The following CCDC97 variants were observed in gnomAD, a reference collection of about 807,000 sequenced individuals.
CCDC97 encodes the protein coiled-coil domain-containing protein 97.
A neutral mutation model predicts 33.9 loss-of-function variants in CCDC97; 27 were observed. The ratio of observed to expected loss-of-function variants is 0.80; its 90% confidence interval spans 0.59 to 1.10. The LOEUF (loss-of-function observed/expected upper bound fraction) is 1.10, where lower values mean the gene tolerates loss of function less well. CCDC97 is among the 50% of genes least tolerant of loss of function. The pLI is 0.00. For synonymous variants in CCDC97, 217 were observed against 194.0 expected (o/e 1.12, Z -0.99); for missense variants, 422 against 476.6 (o/e 0.89, Z 1.07).
Position 41,316,511 on chromosome 19 carries a change from T to C in CCDC97, c.174T>C (p.Ala58=), listed in dbSNP as rs149006709. The C allele has an allele frequency of 1.6e-5, 26 of 1,614,030 alleles. No homozygotes were observed. The African/African-American group carries it at 2.1e-4, about 13-fold the overall frequency. ...CCCTGGACAGTGACACCTCCGGGGC[T>C]GAAAATGCAGCAGTGAGTGCTATGC... ...PVALDSDTSG[A]ENAAVSAMLH... is the part of the protein sequence containing the mutation. The change falls in exon 2 of 5, where the codon GCT becomes GCC. Residue 58 remains alanine (A), a synonymous_variant. Transcript: ENST00000269967.
chr19:41,319,999 G>GCCCTTCCAACCGCTGCAGCATC, intron 3 of CCDC97, 147 bp downstream of exon 3: 1 of 608,682 alleles, frequency 1.6e-6, no homozygotes, highest in Non-Finnish European at 2.9e-6. Context: ...CTCTGTGTAT[G>GCCCTTCCAACCGCTGCAGCATC]CCCTTCCAAC....
chr19:41,316,369 C>G lies in CCDC97; in HGVS notation c.47-15C>G. ...CACTCCCATCTCTGAACTAACCAAT[C>G]TCTCCTTTCCTCAGGCTGCATAGAG... is the stretch of plus-strand genomic sequence containing the variant. On this transcript the variant is annotated splice_polypyrimidine_tract_variant and intron_variant, in intron 1 of 4. Transcript: ENST00000269967. 1 of 1,597,600 alleles carries G rather than the reference C, an allele frequency of 6.3e-7. No individual in the cohort carries two copies. Among genetic ancestry groups the G allele is most frequent in the Non-Finnish European group, 8.6e-7 (1 of 1,167,082 alleles).
intron 2 of CCDC97, among the ~76,000 whole-genome samples, chr19:41,318,063 GAT>G (rs2037771723): frequency 2.0e-5 from 3 of 151,680 alleles, no homozygotes; most frequent in South Asian, 4.2e-4. Flanking sequence ...AAGCAGGAAA[GAT>G]AGAAAGATGG....
intron 2 of CCDC97, among the ~76,000 whole-genome samples, chr19:41,317,778 A>G (rs2037766899): frequency 6.6e-6 from 1 of 150,996 alleles, no homozygotes; most frequent in East Asian, 1.9e-4. Context: ...GGCCGGGCAC[A>G]GTCACTCAAG....
At chr19:41,317,865 A>G (rs542170780) in intron 2 of CCDC97, among the ~76,000 whole-genome samples, 2 of 151,940 alleles carry the variant, frequency 1.3e-5, no homozygotes, top group African/African-American at 4.8e-5. Context: ...CCTGGCCAAC[A>G]TGGTGAAACC....
rs746038340 is a variant in CCDC97 at position 41,310,308 on chromosome 19, A to G, written c.-3A>G. The G allele has an allele frequency of 1.2e-6, 2 of 1,602,874 alleles. No homozygotes were observed. Among genetic ancestry groups the G allele is most frequent in the Non-Finnish European group, 1.7e-6 (2 of 1,174,990 alleles). Reference sequence around the variant, plus strand: ...GGCGGTTGAAAAGTCCGAGAGAATCAGGATGGAGGCCGTGGCGACGGCGAC... The same window carrying G: ...GGCGGTTGAAAAGTCCGAGAGAATCGGGATGGAGGCCGTGGCGACGGCGAC... On this transcript the variant is annotated 5_prime_UTR_variant, in exon 1 of 5. Transcript: ENST00000269967.
intron 4 of CCDC97, among the ~76,000 whole-genome samples, chr19:41,321,203 C>G (rs893595189): frequency 4.6e-5 from 7 of 152,246 alleles, no homozygotes; most frequent in Non-Finnish European, 1.0e-4. Context: ...CAGCCATGGT[C>G]ACCAGAGCCT....
In CCDC97 at chr19:41,318,865, C is replaced by T. The variant is rs1188297821; in HGVS notation, c.503-709C>T. Among the ~76,000 whole-genome samples the T allele has an allele frequency of 2.6e-5, 4 of 152,180 alleles. No homozygotes were observed. In the East Asian group the frequency reaches 7.7e-4, roughly 29 times the overall value. ...GCCCCACCTGACCTGATCCCTTGCA[C>T]ACACATGCCAAATCCACGTGGATGT... is the stretch of plus-strand genomic sequence containing the variant. On this transcript the variant is annotated intron_variant, in intron 2 of 4. Transcript: ENST00000269967.
At chr19:41,317,206 C>T (rs2037759657) in intron 2 of CCDC97, among the ~76,000 whole-genome samples, 1 of 152,044 alleles carries the variant, frequency 6.6e-6, no homozygotes, top group African/African-American at 2.4e-5. Context: ...CAGGGGAAAC[C>T]AAAAGGAGTA....
At chr19:41,315,657 G>A (rs1214789091) in intron 1 of CCDC97, among the ~76,000 whole-genome samples, 4 of 151,772 alleles carry the variant, frequency 2.6e-5, no homozygotes, top group African/African-American at 4.8e-5. Context: ...GAGTATGGTT[G>A]TGCATGCCTG....
At chr19:41,316,863 G>A in intron 2 of CCDC97, 24 bp downstream of exon 2, 3 of 1,547,968 alleles carry the variant, frequency 1.9e-6, no homozygotes, top group Non-Finnish European at 2.6e-6. Flanking sequence ...ATGGGCGACA[G>A]TGGGCACATA....
chr19:41,322,598 A>G lies in CCDC97; in HGVS notation c.915A>G (p.Thr305=), dbSNP rs2037835364. ...DGKDGDFDYS[T]VDDNPDFDNL... ...TGACAGCCTCCTCCTCCTGCAGCAC[A>G]GTAGACGACAACCCCGACTTCGACA... The change falls in exon 5 of 5, where the codon ACA becomes ACG. Residue 305 remains threonine (T), a synonymous_variant. Coordinates refer to ENST00000269967, the MANE Select transcript of CCDC97 (RefSeq NM_052848.3). 3.7e-6 allele frequency: 6 copies of G among 1,613,110 alleles called. No individual in the cohort carries two copies. The South Asian group carries it at 4.4e-5, about 12-fold the overall frequency.
At chr19:41,310,699 A>G (rs1255999491) in intron 1 of CCDC97, 2 of 1,179,410 alleles carry the variant, frequency 1.7e-6, no homozygotes, top group Non-Finnish European at 2.1e-6. Context: ...TTCTCAAATT[A>G]CCTCCTTCCC....
At chr19:41,310,416 G>T in intron 1 of CCDC97, 60 bp downstream of exon 1, 2 of 1,559,548 alleles carry the variant, frequency 1.3e-6, no homozygotes, top group Non-Finnish European at 1.7e-6. Flanking sequence ...TCTAGGAAAT[G>T]ATTCCCCCAG....
chr19:41,316,859 G>C lies in CCDC97; in HGVS notation c.502+20G>C. 1 of 1,554,948 alleles carries C rather than the reference G, an allele frequency of 6.4e-7. No individual in the cohort carries two copies. Among genetic ancestry groups the C allele is most frequent in the Non-Finnish European group, 8.8e-7 (1 of 1,140,084 alleles). The stretch of plus-strand genomic sequence containing the variant: ...TCCAAGGTGTGGGGGCCAGATGGGC[G>C]ACAGTGGGCACATATGGGGAGGGAG... On this transcript the variant is annotated intron_variant, in intron 2 of 4. Transcript: ENST00000269967.
In CCDC97 at chr19:41,310,363, T is replaced by A; in HGVS notation, c.46+7T>A. The A allele has an allele frequency of 6.2e-7, 1 of 1,603,910 alleles. No individual in the cohort carries two copies. The highest frequency in any genetic ancestry group is 8.5e-7 in the Non-Finnish European group (1 of 1,175,942). ...GCGAAGGAACCCGATAAGGGTGAGA[T>A]CTTGGTCACGCGCAGGCGGCGGGTG... On this transcript the variant is annotated splice_region_variant and intron_variant, in intron 1 of 4. Coordinates refer to ENST00000269967, the MANE Select transcript of CCDC97 (RefSeq NM_052848.3).
In CCDC97 at chr19:41,315,296, C is replaced by CAAAAAAAAAAA. The variant is rs71177714; in HGVS notation, c.47-1075_47-1065dup. Among the ~76,000 whole-genome samples, 17 of 41,732 alleles carry CAAAAAAAAAAA rather than the reference C, an allele frequency of 4.1e-4. 1 individual carries two copies. The highest frequency in any genetic ancestry group is 1.3e-3 in the African/African-American group (13 of 9,818). 27.4% of individuals were successfully genotyped at this position (41,732 alleles called of 152,430 possible). A position where few individuals can be genotyped will look rare whatever the true frequency, so the allele number is the denominator to read the frequency against. Reference sequence around the variant, plus strand: ...TGGGCGAAAGAGCGAGACTCCGTCTCAAAAAAAAAAAAAAAAAAAAAAAGA... The same window carrying CAAAAAAAAAAA: ...TGGGCGAAAGAGCGAGACTCCGTCTCAAAAAAAAAAAAAAAAAAAAAAAAAAAAAAAAAAGA... On this transcript the variant is annotated intron_variant, in intron 1 of 4. Transcript: ENST00000269967.
At position 41,316,764 on chromosome 19, in the gene CCDC97, G is replaced by T; in HGVS notation, c.427G>T (p.Gly143Cys). The change falls in exon 2 of 5, where the codon GGC becomes TGC. Residue 143 changes from glycine (G) to cysteine (C), a missense_variant. Gly to Cys is a radical substitution (Grantham distance 159). Coordinates refer to ENST00000269967, the MANE Select transcript of CCDC97 (RefSeq NM_052848.3). Reference sequence around the variant, plus strand: ...CTACTGTGCTGAGGTGGCCCGGCAGGGCACTGCCCGGCCCCGCACCCTGCG... The same window carrying T: ...CTACTGTGCTGAGGTGGCCCGGCAGTGCACTGCCCGGCCCCGCACCCTGCG... Reference protein sequence around the residue: ...DFYCAEVARQGTARPRTLRTR... With the variant: ...DFYCAEVARQCTARPRTLRTR... 15 of 1,612,656 alleles carry T rather than the reference G, an allele frequency of 9.3e-6. No individual in the cohort carries two copies. The highest frequency in any genetic ancestry group is 1.3e-5 in the Non-Finnish European group (15 of 1,179,186).
chr19:41,319,673 G>T lies in CCDC97; in HGVS notation c.602G>T (p.Arg201Leu), dbSNP rs923275849. 1 of 1,613,886 alleles carries T rather than the reference G, an allele frequency of 6.2e-7. No homozygotes were observed. Among genetic ancestry groups the T allele is most frequent in the Non-Finnish European group, 8.5e-7 (1 of 1,179,940 alleles). Residue 201 changes from arginine to leucine, a missense_variant, in exon 3 of 5, where the codon CGC becomes CTC. Arg to Leu is a moderately radical substitution (Grantham distance 102, BLOSUM62 -2). Transcript: ENST00000269967. Reference protein sequence around the residue: ...QYLTQEELSARTPTHQPPKPG... With the variant: ...QYLTQEELSALTPTHQPPKPG... ...CTCACCCAGGAGGAGCTCAGTGCCC[G>T]CACCCCAACCCACCAGCCCCCCAAG...
Sources: allele counts gnomAD v4.1 joint callset (sites outside exome capture counted in the v4.1 genomes callset), GRCh38; gene constraint gnomAD v4.1.1; transcripts MANE v1.5; gene names NCBI Gene and HGNC (gene_info 2026-07-23, HGNC 2026-07-21).